The following COL4A5 variants were observed in gnomAD, a reference collection of about 807,000 sequenced individuals.
The protein encoded by COL4A5 is collagen alpha-5(IV) chain.
A neutral mutation model predicts 130.2 loss-of-function variants in COL4A5; 26 were observed. That is an observed-to-expected ratio of 0.20 (90% CI 0.15 to 0.28). COL4A5 has a LOEUF of 0.28. Among genes scored for constraint, COL4A5 ranks in the 10% least tolerant of loss-of-function variants. The probability of loss-of-function intolerance (pLI) is 1.00; values close to 1 mark genes in which losing one functional copy is unlikely to be tolerated. For synonymous variants in COL4A5, 496 were observed against 439.6 expected (o/e 1.13, Z -1.60); for missense variants, 1,131 against 1,344.3 (o/e 0.84, Z 2.48).
At chrX:108,571,373 T>G in intron 6 of COL4A5, 40 bp from the exon 7 acceptor site, 1 of 1,012,021 alleles carries the variant, frequency 9.9e-7, no homozygotes, top group Non-Finnish European at 1.4e-6. Context: ...TATTCTTTGT[T>G]TCTTGTTCCT....
At chrX:108,649,944 A>G (rs1418989291) in intron 36 of COL4A5, among the ~76,000 whole-genome samples, 1 of 111,808 alleles carries the variant, frequency 8.9e-6, no homozygotes, top group Non-Finnish European at 1.9e-5. Flanking sequence ...GCACAGCAAA[A>G]GGAGCAGTCA....
intron 1 of COL4A5, among the ~76,000 whole-genome samples, chrX:108,524,794 T>G (rs1265352560): frequency 8.9e-6 from 1 of 111,993 alleles, no homozygotes; most frequent in Non-Finnish European, 1.9e-5. Context: ...TTATACTTGT[T>G]GATATCCTGT....
chrX:108,648,683 T>C (rs2067660369), intron 36 of COL4A5, among the ~76,000 whole-genome samples: 1 of 110,852 alleles, frequency 9.0e-6, no homozygotes, highest in South Asian at 3.8e-4. Flanking sequence ...TTCAACAAAA[T>C]CCAGCATCAC....
intron 29 of COL4A5, among the ~76,000 whole-genome samples, chrX:108,608,610 CA>C (rs1172551755): frequency 1.8e-5 from 2 of 111,516 alleles, no homozygotes; most frequent in Non-Finnish European, 3.8e-5. Flanking sequence ...CTAAATACTT[CA>C]GCATGCATAC....
At chrX:108,452,736 G>A (rs6624995) in intron 1 of COL4A5, among the ~76,000 whole-genome samples, 1 of 111,750 alleles carries the variant, frequency 8.9e-6, no homozygotes, top group South Asian at 3.7e-4. Flanking sequence ...CTGAGATGAT[G>A]GGGTTTTCTA....
intron 1 of COL4A5, among the ~76,000 whole-genome samples, chrX:108,491,824 C>T (rs2064995985): frequency 9.0e-6 from 1 of 111,417 alleles, no homozygotes; most frequent in Non-Finnish European, 1.9e-5. Context: ...GGGACCAGTT[C>T]AGAAGGCTTG....
At chrX:108,682,685 G>GT (rs1363419443) in intron 47 of COL4A5, among the ~76,000 whole-genome samples, 7 of 111,774 alleles carry the variant, frequency 6.3e-5, no homozygotes, top group African/African-American at 1.6e-4. Context: ...CCTCATAAAT[G>GT]TCTTTTTTTG....
intron 21 of COL4A5, among the ~76,000 whole-genome samples, chrX:108,593,231 A>G (rs758999781): frequency 2.7e-5 from 3 of 111,462 alleles, no homozygotes; most frequent in African/African-American, 6.5e-5. Context: ...TGTTTCATAG[A>G]TATTACCAAA....
At chrX:108,492,205 G>A (rs1445638047) in intron 1 of COL4A5, among the ~76,000 whole-genome samples, 1 of 111,509 alleles carries the variant, frequency 9.0e-6, no homozygotes, top group Non-Finnish European at 1.9e-5. Context: ...TCCTGGCTGA[G>A]TGTTGAAGGT....
At chrX:108,675,277 AT>A (rs1301603210) in intron 43 of COL4A5, among the ~76,000 whole-genome samples, 3 of 109,695 alleles carry the variant, frequency 2.7e-5, no homozygotes, top group African/African-American at 3.3e-5. Flanking sequence ...CAAGTTTCCC[AT>A]TTTTTTTTAA....
chrX:108,535,348 GT>G, intron 1 of COL4A5, among the ~76,000 whole-genome samples: 1 of 109,769 alleles, frequency 9.1e-6, no homozygotes, highest in East Asian at 2.8e-4. Context: ...TTTGCTTATG[GT>G]TTTTTTTCTT....
chrX:108,608,909 C>T (rs746506866), intron 29 of COL4A5, among the ~76,000 whole-genome samples: 2 of 111,524 alleles, frequency 1.8e-5, no homozygotes, highest in African/African-American at 3.3e-5. Context: ...TGGAAACATA[C>T]GGTATGTACT....
intron 42 of COL4A5, chrX:108,670,770 C>T (rs771722135): frequency 9.6e-6 from 3 of 312,602 alleles, no homozygotes; most frequent in African/African-American, 8.0e-5. Flanking sequence ...GGCCGGGCAC[C>T]ATGGCTCATG....
chrX:108,611,972 C>T (rs2066843859), intron 29 of COL4A5, among the ~76,000 whole-genome samples: 1 of 111,343 alleles, frequency 9.0e-6, no homozygotes, highest in African/African-American at 3.2e-5. Context: ...GAGGCTTATC[C>T]TTAGAATACG....
chrX:108,590,200 C>T (rs1045842476), intron 19 of COL4A5, among the ~76,000 whole-genome samples: 1 of 111,099 alleles, frequency 9.0e-6, no homozygotes, highest in Non-Finnish European at 1.9e-5. Context: ...TTAAAAAATC[C>T]ATTGACAAAT....
intron 1 of COL4A5, among the ~76,000 whole-genome samples, chrX:108,490,227 A>G (rs999097297): frequency 2.7e-5 from 3 of 112,231 alleles, no homozygotes; most frequent in Non-Finnish European, 5.6e-5. Context: ...CAGTTCCAAC[A>G]TCGCATATAT....
At chrX:108,642,760 C>T (rs146959957) in intron 36 of COL4A5, among the ~76,000 whole-genome samples, 1,314 of 106,712 alleles carry the variant, frequency 0.012, 28 homozygotes, top group African/African-American at 0.043. Context: ...TAGACCTACC[C>T]TGTGACAAAG....
intron 2 of COL4A5, among the ~76,000 whole-genome samples, chrX:108,543,729 C>T (rs1466683091): frequency 8.9e-6 from 1 of 111,947 alleles, no homozygotes; most frequent in African/African-American, 3.3e-5. Context: ...ATTGATTCTT[C>T]CTATCCATGA....
At chrX:108,526,705 C>CTT (rs1393508120) in intron 1 of COL4A5, among the ~76,000 whole-genome samples, 8 of 88,461 alleles carry the variant, frequency 9.0e-5, no homozygotes, top group African/African-American at 3.4e-4. Context: ...TTCTTTCTTT[C>CTT]TTTCTTTCTT....
Sources: allele counts gnomAD v4.1 joint callset (sites outside exome capture counted in the v4.1 genomes callset), GRCh38; gene constraint gnomAD v4.1.1; transcripts MANE v1.5; gene names NCBI Gene and HGNC (gene_info 2026-07-23, HGNC 2026-07-21).